CSRNP3: variants seen among roughly 807,000 people sequenced by gnomAD.
CSRNP3 encodes the protein cysteine and serine rich nuclear protein 3, also known as cysteine/serine-rich nuclear protein 3.
CSRNP3 carries 12 observed loss-of-function variants against 48.0 expected under a neutral mutation model. That is an observed-to-expected ratio of 0.25 (90% CI 0.16 to 0.41). The LOEUF (loss-of-function observed/expected upper bound fraction) is 0.41. Ranked by LOEUF, CSRNP3 falls within the 10% of genes least tolerant of loss-of-function variation. The pLI, the probability that CSRNP3 is intolerant of heterozygous loss-of-function variation, is 1.00. For synonymous variants in CSRNP3, 263 were observed against 269.7 expected (o/e 0.98, Z 0.24); for missense variants, 580 against 724.4 (o/e 0.80, Z 2.29).
intron 4 of CSRNP3, among the ~76,000 whole-genome samples, chr2:165,649,240 T>C (rs1686865939): frequency 6.6e-6 from 1 of 152,174 alleles, no homozygotes; most frequent in African/African-American, 2.4e-5. Context: ...TATGAGAGGG[T>C]TTTTTTCTTT....
At chr2:165,491,702 A>G (rs1232864570) in intron 1 of CSRNP3, among the ~76,000 whole-genome samples, 1 of 118,546 alleles carries the variant, frequency 8.4e-6, no homozygotes, top group Non-Finnish European at 1.7e-5. Context: ...TTGCAAGAAC[A>G]AAAAACCAAA....
intron 3 of CSRNP3, chr2:165,566,935 G>C (rs530669200): frequency 6.6e-6 from 1 of 152,094 alleles, no homozygotes; most frequent in South Asian, 2.1e-4. Flanking sequence ...TGCCAAAGTT[G>C]TTTCTGTATA....
chr2:165,469,720 G>A lies in CSRNP3; in HGVS notation c.-303G>A, dbSNP rs964826440. On this transcript the variant is annotated 5_prime_UTR_variant, in exon 1 of 7. Coordinates refer to ENST00000651982, the MANE Select transcript of CSRNP3 (RefSeq NM_001172173.2). The stretch of plus-strand genomic sequence containing the variant: ...TTCAGTGTGTTCTGACGGAGCCGAA[G>A]TACAGAAACCATATTTACAGGTAAG... 3.3e-5 allele frequency: 5 copies of A among 152,276 alleles called. No individual in the cohort carries two copies. In the Admixed American group the frequency reaches 3.3e-4, roughly 10 times the overall value. The allele number at this position is 152,276 out of a possible 1,614,324, so 9.4% of individuals were successfully genotyped here. A position where few individuals can be genotyped will look rare whatever the true frequency, so the allele number is the denominator to read the frequency against.
chr2:165,672,589 G>A (rs1277456154), intron 5 of CSRNP3, among the ~76,000 whole-genome samples: 1 of 152,140 alleles, frequency 6.6e-6, no homozygotes, highest in Non-Finnish European at 1.5e-5. Flanking sequence ...GCTACATTTG[G>A]TTGGGGACAC....
chr2:165,571,622 G>A (rs1685374981), intron 3 of CSRNP3, among the ~76,000 whole-genome samples: 1 of 151,670 alleles, frequency 6.6e-6, no homozygotes, highest in Non-Finnish European at 1.5e-5. Flanking sequence ...GTTTTATTGA[G>A]GTAAGCTGTC....
chr2:165,484,427 G>T (rs1228661653), intron 1 of CSRNP3, among the ~76,000 whole-genome samples: 1 of 152,138 alleles, frequency 6.6e-6, no homozygotes, highest in East Asian at 1.9e-4. Context: ...CAAAGGACTT[G>T]TGAGCGGATC....
At chr2:165,596,135 AT>A (rs11317294) in intron 4 of CSRNP3, among the ~76,000 whole-genome samples, 44,687 of 120,420 alleles carry the variant, frequency 0.37, 6,736 homozygotes, top group East Asian at 0.47. Flanking sequence ...TTTCTTTTTG[AT>A]TTTTTTTTTT....
intron 4 of CSRNP3, among the ~76,000 whole-genome samples, chr2:165,609,621 T>C (rs1292791464): frequency 1.3e-5 from 2 of 152,108 alleles, no homozygotes; most frequent in African/African-American, 4.8e-5. Flanking sequence ...TTACTTTACA[T>C]TTACTAAGCA....
intron 2 of CSRNP3, among the ~76,000 whole-genome samples, chr2:165,515,280 C>A (rs1574814860): frequency 6.7e-6 from 1 of 150,298 alleles, no homozygotes; most frequent in East Asian, 2.0e-4. Flanking sequence ...GCCAGTTGCA[C>A]CAGTGCACTC....
chr2:165,621,810 G>T (rs947920786), intron 4 of CSRNP3, among the ~76,000 whole-genome samples: 1 of 151,962 alleles, frequency 6.6e-6, no homozygotes, highest in Non-Finnish European at 1.5e-5. Context: ...TTTCTCTACT[G>T]CCCTGGTTTT....
intron 2 of CSRNP3, among the ~76,000 whole-genome samples, chr2:165,510,677 C>T (rs922958492): frequency 4.6e-5 from 7 of 152,094 alleles, no homozygotes; most frequent in Admixed American, 6.6e-5. Flanking sequence ...AGGGTAGAAG[C>T]CTGGATTATG....
chr2:165,541,664 A>T (rs1402704478), intron 3 of CSRNP3, among the ~76,000 whole-genome samples: 1 of 152,046 alleles, frequency 6.6e-6, no homozygotes, highest in South Asian at 2.1e-4. Context: ...CAATTATACA[A>T]TATCTCCTAA....
intron 3 of CSRNP3, among the ~76,000 whole-genome samples, chr2:165,552,228 A>G (rs899416119): frequency 6.6e-6 from 1 of 152,348 alleles, no homozygotes. Flanking sequence ...ATCTGAATAA[A>G]GATCTTACAG....
chr2:165,549,349 G>T (rs1685069805), intron 3 of CSRNP3, among the ~76,000 whole-genome samples: 1 of 152,076 alleles, frequency 6.6e-6, no homozygotes, highest in African/African-American at 2.4e-5. Context: ...TGTTGGGAGA[G>T]TTGAAAGTCA....
intron 5 of CSRNP3, among the ~76,000 whole-genome samples, chr2:165,665,628 C>A (rs1687166267): frequency 6.6e-6 from 1 of 151,996 alleles, no homozygotes; most frequent in African/African-American, 2.4e-5. Flanking sequence ...TGGGCAGTTG[C>A]ATGTGCCTGT....
At position 165,474,055 on chromosome 2, in the gene CSRNP3, C is replaced by T. The variant is rs192242376; in HGVS notation, c.-283+4315C>T. Among the ~76,000 whole-genome samples, 400 of 152,112 alleles carry T rather than the reference C, an allele frequency of 2.6e-3. 4 individuals carry two copies. The highest frequency in any genetic ancestry group is 0.017 in the South Asian group (81 of 4,816). On this transcript the variant is annotated intron_variant, in intron 1 of 6. Transcript: ENST00000651982. ...ATAAGCTCTTATACTTTACTTAGAT[C>T]AAGAGCTTAATACATTATTTTCCAA...
In CSRNP3 at chr2:165,681,502, T is replaced by A. The variant is rs1249783174; in HGVS notation, c.*1749T>A. The A allele has an allele frequency of 6.6e-6, 1 of 151,776 alleles. No individual in the cohort carries two copies. The highest frequency in any genetic ancestry group is 1.9e-4 in the East Asian group (1 of 5,162). The allele number at this position is 151,776 out of a possible 1,614,324, so 9.4% of individuals were successfully genotyped here. On this transcript the variant is annotated 3_prime_UTR_variant, in exon 7 of 7. Transcript: ENST00000651982. ...GGAAAAGTTTCTACTAAACTTTGTTTTGGGGAAAAAATGTTTACTTGGCAG... is the reference window on the plus strand; with the variant it reads ...GGAAAAGTTTCTACTAAACTTTGTTATGGGGAAAAAATGTTTACTTGGCAG...
At chr2:165,548,101 A>G (rs1055642077) in intron 3 of CSRNP3, among the ~76,000 whole-genome samples, 1 of 152,122 alleles carries the variant, frequency 6.6e-6, no homozygotes, top group Non-Finnish European at 1.5e-5. Flanking sequence ...TGTGAAAACT[A>G]ATTTGTGGTT....
intron 6 of CSRNP3, among the ~76,000 whole-genome samples, chr2:165,677,510 G>A (rs1408017414): frequency 6.6e-6 from 1 of 151,770 alleles, no homozygotes; most frequent in African/African-American, 2.4e-5. Context: ...AGCAACTCAG[G>A]TAGTCAAAAG....
Sources: allele counts gnomAD v4.1 joint callset (sites outside exome capture counted in the v4.1 genomes callset), GRCh38; gene constraint gnomAD v4.1.1; transcripts MANE v1.5; gene names NCBI Gene and HGNC (gene_info 2026-07-23, HGNC 2026-07-21).